Variants in LRRC4C observed in about 807,000 individuals in gnomAD.
LRRC4C encodes the protein leucine rich repeat containing 4C.
A neutral mutation model predicts 33.6 loss-of-function variants in LRRC4C; 5 were observed. The ratio of observed to expected loss-of-function variants is 0.15; its 90% CI spans 0.08 to 0.31. The LOEUF is 0.31. Ranked by LOEUF, LRRC4C falls within the 10% of genes least tolerant of loss-of-function variation. The pLI is 1.00. For missense variants in LRRC4C, 560 were observed against 796.7 expected, an observed-to-expected ratio of 0.70 and a Z score of 3.58; for synonymous variants, 329 against 302.0, an observed-to-expected ratio of 1.09 and a Z score of -0.93.
At chr11:40,988,917 T>C in intron 1 of LRRC4C, among the ~76,000 whole-genome samples, 1 of 151,942 alleles carries the variant, frequency 6.6e-6, no homozygotes, top group Non-Finnish European at 1.5e-5. Context: ...AGACGGGGTT[T>C]CACCGTGTTA....
intron 5 of LRRC4C, among the ~76,000 whole-genome samples, chr11:40,199,322 C>CGGTATCCCA (rs1443943441): frequency 6.6e-6 from 1 of 152,160 alleles, no homozygotes; most frequent in Non-Finnish European, 1.5e-5. Context: ...CCACCCATGT[C>CGGTATCCCA]GGTATCCCAG....
intron 2 of LRRC4C, among the ~76,000 whole-genome samples, chr11:40,866,621 C>T (rs1359959463): frequency 6.6e-6 from 1 of 152,048 alleles, no homozygotes; most frequent in Admixed American, 6.6e-5. Context: ...TGATCAAGAG[C>T]TTGGGAGTCA....
At chr11:40,688,598 C>A (rs955794690) in intron 2 of LRRC4C, among the ~76,000 whole-genome samples, 1 of 152,086 alleles carries the variant, frequency 6.6e-6, no homozygotes, top group Admixed American at 6.6e-5. Flanking sequence ...GCTGAGAGTC[C>A]GATTGCTGCA....
chr11:40,953,420 C>G (rs558506535), intron 1 of LRRC4C, among the ~76,000 whole-genome samples: 1 of 151,840 alleles, frequency 6.6e-6, no homozygotes, highest in Non-Finnish European at 1.5e-5. Flanking sequence ...TCTCCCTGAC[C>G]CTTCCAATTC....
intron 1 of LRRC4C, among the ~76,000 whole-genome samples, chr11:41,330,467 T>C (rs1951258426): frequency 6.6e-6 from 1 of 152,214 alleles, no homozygotes; most frequent in Non-Finnish European, 1.5e-5. Flanking sequence ...TACCCAATGT[T>C]GAATCTAATG....
intron 1 of LRRC4C, among the ~76,000 whole-genome samples, chr11:41,086,348 ATTG>A (rs1262412012): frequency 2.6e-5 from 4 of 152,270 alleles, no homozygotes; most frequent in African/African-American, 9.6e-5. Flanking sequence ...TGTATTATAT[ATTG>A]TTGTATAACA....
At chr11:41,129,791 A>G (rs1251964647) in intron 1 of LRRC4C, among the ~76,000 whole-genome samples, 6 of 152,018 alleles carry the variant, frequency 3.9e-5, no homozygotes, top group African/African-American at 1.4e-4. Flanking sequence ...ATCTAAGGTC[A>G]CCGTTAACAT....
At chr11:40,666,360 A>G (rs1943811761) in intron 2 of LRRC4C, among the ~76,000 whole-genome samples, 2 of 152,154 alleles carry the variant, frequency 1.3e-5, no homozygotes, top group African/African-American at 4.8e-5. Flanking sequence ...TCTGGATAGT[A>G]GTTACTTCTA....
intron 1 of LRRC4C, among the ~76,000 whole-genome samples, chr11:41,320,174 A>G (rs2137264341): frequency 6.6e-6 from 1 of 152,348 alleles, no homozygotes; most frequent in South Asian, 2.1e-4. Context: ...TCTAAATAAA[A>G]TAAAAATCTG....
intron 3 of LRRC4C, among the ~76,000 whole-genome samples, chr11:40,511,226 G>T (rs945000569): frequency 1.3e-5 from 2 of 152,162 alleles, no homozygotes; most frequent in Non-Finnish European, 2.9e-5. Context: ...AATTATATGA[G>T]CTCATACTGA....
chr11:40,633,439 A>C (rs1362005924), intron 3 of LRRC4C, among the ~76,000 whole-genome samples: 2 of 138,540 alleles, frequency 1.4e-5, no homozygotes, highest in East Asian at 4.2e-4. Context: ...CCCAGGTTGG[A>C]GTACAGTGGT....
intron 5 of LRRC4C, among the ~76,000 whole-genome samples, chr11:40,226,175 G>A (rs1251124720): frequency 6.6e-6 from 1 of 152,162 alleles, no homozygotes; most frequent in Non-Finnish European, 1.5e-5. Flanking sequence ...CAAAGTGGGT[G>A]TTTAATCTCA....
chr11:40,508,809 A>T (rs1396757654), intron 3 of LRRC4C, among the ~76,000 whole-genome samples: 1 of 152,202 alleles, frequency 6.6e-6, no homozygotes, highest in African/African-American at 2.4e-5. Flanking sequence ...GTGTCCTGTT[A>T]ATTGTTATTG....
intron 1 of LRRC4C, among the ~76,000 whole-genome samples, chr11:41,444,902 C>G (rs889544181): frequency 4.0e-5 from 6 of 151,450 alleles, no homozygotes; most frequent in African/African-American, 7.3e-5. Flanking sequence ...CTCCCGGGTT[C>G]AAGTGATTCT....
At chr11:40,152,633 T>A (rs577783576) in intron 5 of LRRC4C, among the ~76,000 whole-genome samples, 5 of 152,260 alleles carry the variant, frequency 3.3e-5, no homozygotes, top group African/African-American at 1.2e-4. Flanking sequence ...CCCTTCAGTT[T>A]GTGTGGGAGC....
At chr11:41,452,153 T>C (rs1212732155) in intron 1 of LRRC4C, among the ~76,000 whole-genome samples, 1 of 152,140 alleles carries the variant, frequency 6.6e-6, no homozygotes, top group Non-Finnish European at 1.5e-5. Flanking sequence ...TCAAGGTATA[T>C]ATGGTCACAG....
intron 1 of LRRC4C, among the ~76,000 whole-genome samples, chr11:41,099,466 C>T (rs1453303060): frequency 6.6e-6 from 1 of 151,758 alleles, no homozygotes; most frequent in Non-Finnish European, 1.5e-5. Flanking sequence ...AAATCAAATC[C>T]AGCAGCACAT....
At chr11:41,183,310 C>T (rs1945537084) in intron 1 of LRRC4C, among the ~76,000 whole-genome samples, 1 of 152,116 alleles carries the variant, frequency 6.6e-6, no homozygotes, top group Admixed American at 6.5e-5. Context: ...CAAGGCAAGT[C>T]CCTGCTGCCT....
At chr11:41,420,876 C>T (rs1323107141) in intron 1 of LRRC4C, among the ~76,000 whole-genome samples, 2 of 151,938 alleles carry the variant, frequency 1.3e-5, no homozygotes, top group South Asian at 4.1e-4. Context: ...TAAATATTCA[C>T]CTTTTTGTTA....
Sources: allele counts gnomAD v4.1 joint callset (sites outside exome capture counted in the v4.1 genomes callset), GRCh38; gene constraint gnomAD v4.1.1; transcripts MANE v1.5; gene names NCBI Gene and HGNC (gene_info 2026-07-23, HGNC 2026-07-21).